Variants in PIAS1 observed in about 807,000 individuals in gnomAD.
PIAS1 encodes E3 SUMO-protein ligase PIAS1.
In PIAS1, 6 loss-of-function variants were observed where a neutral mutation model predicts 71.3. The observed-to-expected ratio is 0.08, with a 90% CI of 0.05 to 0.17. The LOEUF (loss-of-function observed/expected upper bound fraction) is 0.17. PIAS1 is among the 10% of genes least tolerant of loss of function. The probability of loss-of-function intolerance (pLI) is 1.00; values close to 1 mark genes in which losing one functional copy is unlikely to be tolerated. For synonymous variants in PIAS1, 303 were observed against 292.9 expected (o/e 1.03, Z -0.35); for missense variants, 555 against 793.6 (o/e 0.70, Z 3.61).
chr15:68,064,333 A>G (rs910706464), intron 1 of PIAS1, among the ~76,000 whole-genome samples: 17 of 152,222 alleles, frequency 1.1e-4, no homozygotes, highest in South Asian at 2.1e-4. Context: ...CAGTTTCCCA[A>G]TACTTGACTT....
At chr15:68,158,924 G>A (rs988305890) in intron 7 of PIAS1, among the ~76,000 whole-genome samples, 1 of 152,146 alleles carries the variant, frequency 6.6e-6, no homozygotes. Flanking sequence ...CACTTAAAAT[G>A]TGGCTAGTTT....
At chr15:68,141,771 C>T (rs897542301) in intron 2 of PIAS1, among the ~76,000 whole-genome samples, 175 bp from the exon 3 acceptor site, 1 of 151,424 alleles carries the variant, frequency 6.6e-6, no homozygotes, top group Non-Finnish European at 1.5e-5. Flanking sequence ...GTTTCTATTT[C>T]TGTTTGTTAT....
chr15:68,184,905 A>G (rs1341076514), intron 13 of PIAS1: 1 of 153,428 alleles, frequency 6.5e-6, no homozygotes, highest in Non-Finnish European at 1.5e-5. Flanking sequence ...CATGTCAGCA[A>G]GCACACACTG....
At chr15:68,125,002 C>T (rs921364067) in intron 2 of PIAS1, among the ~76,000 whole-genome samples, 5 of 152,106 alleles carry the variant, frequency 3.3e-5, no homozygotes, top group African/African-American at 4.8e-5. Flanking sequence ...ATCTGTTTGT[C>T]GCCCTGTCTT....
Position 68,181,208 on chromosome 15 carries a change from C to T in PIAS1, c.1482-4C>T, listed in dbSNP as rs542338703. Reference sequence around the variant, plus strand: ...AAAACTATGCCAATCTTTCCTTCTTCCAGCATTTTAAGTCTTCCACATCAA... The same window carrying T: ...AAAACTATGCCAATCTTTCCTTCTTTCAGCATTTTAAGTCTTCCACATCAA... On this transcript the variant is annotated splice_region_variant and splice_polypyrimidine_tract_variant and intron_variant, in intron 11 of 13. Coordinates refer to ENST00000249636, the MANE Select transcript of PIAS1 (RefSeq NM_016166.3). 3 of 1,612,318 alleles carry T rather than the reference C, an allele frequency of 1.9e-6. No individual in the cohort carries two copies. Among genetic ancestry groups the T allele is most frequent in the Middle Eastern group, 1.6e-4 (1 of 6,080 alleles).
chr15:68,160,916 C>T (rs2092919871), intron 7 of PIAS1, among the ~76,000 whole-genome samples: 1 of 152,116 alleles, frequency 6.6e-6, no homozygotes, highest in African/African-American at 2.4e-5. Flanking sequence ...GATATCTGCC[C>T]CTAGCGTTGC....
intron 1 of PIAS1, chr15:68,061,444 T>G (rs1005790700): frequency 6.6e-6 from 1 of 152,248 alleles, no homozygotes; most frequent in African/African-American, 2.4e-5. Context: ...CCTTCAGAGT[T>G]TTCTGGTAAG....
chr15:68,187,549 A>C lies in PIAS1; in HGVS notation c.1670A>C (p.Asn557Thr), dbSNP rs776598900. 1 of 1,613,318 alleles carries C rather than the reference A, an allele frequency of 6.2e-7. No individual in the cohort carries two copies. Among genetic ancestry groups the C allele is most frequent in the Non-Finnish European group, 8.5e-7 (1 of 1,179,344 alleles). ...PFLSGDNQHY[N>T]TSLLAAAAAA... ...TTTGTTTCCCCTCCCTAGCATTACA[A>C]CACCTCCTTGCTTGCCGCTGCAGCA... Residue 557 changes from asparagine (N) to threonine (T), a missense_variant, in exon 14 of 14, where the codon AAC becomes ACC. By Grantham distance (65) the Asn-to-Thr change is moderately conservative. Around this residue, in one of 5 missense-constraint regions of PIAS1, gnomAD observed 244 missense variants for 307.5 expected, o/e 0.79. Transcript: ENST00000249636. This position sits in a 1 kb window ranked among gnomAD's most constrained non-coding sequence, Gnocchi z 5.3.
chr15:68,181,768 C>T (rs931589205), intron 12 of PIAS1: 2 of 159,056 alleles, frequency 1.3e-5, no homozygotes, highest in African/African-American at 4.8e-5. Context: ...CTCCGCCTCC[C>T]AGGTTCAAAC....
At chr15:68,142,540 A>ATAT (rs894593086) in intron 4 of PIAS1, among the ~76,000 whole-genome samples, 1 of 152,156 alleles carries the variant, frequency 6.6e-6, no homozygotes, top group Non-Finnish European at 1.5e-5. Flanking sequence ...TGTATTGAAA[A>ATAT]TATTAGGTTT....
At chr15:68,142,496 G>T (rs1375436074) in intron 4 of PIAS1, among the ~76,000 whole-genome samples, 159 bp downstream of exon 4, 1 of 151,954 alleles carries the variant, frequency 6.6e-6, no homozygotes, top group East Asian at 1.9e-4. Flanking sequence ...AAATTTTAAG[G>T]AATAAGAGGA....
chr15:68,086,182 A>G lies in PIAS1; in HGVS notation c.25-124A>G, dbSNP rs2092279929. On this transcript the variant is annotated intron_variant, in intron 1 of 13. Coordinates refer to ENST00000249636, the MANE Select transcript of PIAS1 (RefSeq NM_016166.3). The surrounding 1 kb of genome is among the most constrained non-coding windows in gnomAD (Gnocchi z 7.2). ...ATTTGAAGTTTGAAATAATAGGATT[A>G]TAAGTGAGCTGGCCTTTATTTGCTT... 3.2e-6 allele frequency: 2 copies of G among 633,072 alleles called. No individual in the cohort carries two copies. Among genetic ancestry groups the G allele is most frequent in the Admixed American group, 3.0e-5 (1 of 33,174 alleles). 39.2% of individuals were successfully genotyped at this position (633,072 alleles called of 1,614,324 possible). A position where few individuals can be genotyped will look rare whatever the true frequency, so the allele number is the denominator to read the frequency against.
chr15:68,075,055 A>G (rs1013328701), intron 1 of PIAS1, among the ~76,000 whole-genome samples: 2 of 150,878 alleles, frequency 1.3e-5, no homozygotes. Context: ...GAAAGAAAAT[A>G]AAAACATTTT....
At chr15:68,059,274 T>A (rs2091931748) in intron 1 of PIAS1, among the ~76,000 whole-genome samples, 1 of 152,122 alleles carries the variant, frequency 6.6e-6, no homozygotes, top group South Asian at 2.1e-4. Flanking sequence ...CCCAAAGTGC[T>A]GAGATTACAG....
chr15:68,163,315 A>G lies in PIAS1; in HGVS notation c.935-1416A>G, dbSNP rs11071984. Among the ~76,000 whole-genome samples the G allele has an allele frequency of 6.2e-3, 940 of 152,354 alleles. 7 individuals are homozygous for G. Among genetic ancestry groups the G allele is most frequent in the African/African-American group, 0.022 (895 of 41,568 alleles). On this transcript the variant is annotated intron_variant, in intron 7 of 13. Transcript: ENST00000249636. ...TATTCATTAGCATAGTGTTACAACT[A>G]TATTTTCCAAACTAAAAACCAGAAG...
At chr15:68,168,811 C>T (rs2092972821) in intron 8 of PIAS1, among the ~76,000 whole-genome samples, 1 of 152,062 alleles carries the variant, frequency 6.6e-6, no homozygotes. Context: ...CTGTCTTGTA[C>T]CATTTCTGTG....
intron 2 of PIAS1, among the ~76,000 whole-genome samples, chr15:68,122,801 G>A (rs2092622539): frequency 6.6e-6 from 1 of 152,056 alleles, no homozygotes; most frequent in Admixed American, 6.6e-5. Context: ...ATACATTTTT[G>A]GAAGAGTAAT....
rs775250623 is a variant in PIAS1 at position 68,086,641 on chromosome 15, G to A, written c.360G>A (p.Leu120=). 4 of 1,612,886 alleles carry A rather than the reference G, an allele frequency of 2.5e-6. No homozygotes were observed. The East Asian group carries it at 8.9e-5, about 36-fold the overall frequency. ...CTCTTCTGGGACCTAAACATGAACT[G>A]GAACTCCCACATCTTACATCAGCTC... is the stretch of plus-strand genomic sequence containing the variant. The part of the protein sequence containing the change: ...PVSLLGPKHE[L]ELPHLTSALH... The change falls in exon 2 of 14, where the codon CTG becomes CTA. Residue 120 remains leucine, a synonymous_variant. Coordinates refer to ENST00000249636, the MANE Select transcript of PIAS1 (RefSeq NM_016166.3). This position sits in a 1 kb window ranked among gnomAD's most constrained non-coding sequence, Gnocchi z 7.2.
At chr15:68,143,914 TA>T (rs1401287747) in intron 4 of PIAS1, among the ~76,000 whole-genome samples, 1 of 152,066 alleles carries the variant, frequency 6.6e-6, no homozygotes, top group Non-Finnish European at 1.5e-5. Context: ...GTCCCAAGAC[TA>T]AAATAAAGTT....
Sources: allele counts gnomAD v4.1 joint callset (sites outside exome capture counted in the v4.1 genomes callset), GRCh38; gene constraint gnomAD v4.1.1; regional missense constraint gnomAD v4.1.1; non-coding constraint Gnocchi (gnomAD v3.1); transcripts MANE v1.5; gene names NCBI Gene and HGNC (gene_info 2026-07-23, HGNC 2026-07-21).